Variants in R3HDM2 observed in about 807,000 individuals in gnomAD.
R3HDM2 encodes the protein R3H domain-containing protein 2.
Under a neutral mutation model 124.5 loss-of-function variants are expected in R3HDM2, and 38 were observed. The observed-to-expected ratio is 0.31, with a 90% confidence interval of 0.24 to 0.40. The LOEUF is 0.40. Among genes scored for constraint, R3HDM2 ranks in the 10% least tolerant of loss-of-function variants. The pLI, the probability that R3HDM2 is intolerant of heterozygous loss-of-function variation, is 1.00. For synonymous variants in R3HDM2, 391 were observed against 448.0 expected, an observed-to-expected ratio of 0.87 and a Z score of 1.61; for missense variants, 869 against 1,236.9, an observed-to-expected ratio of 0.70 and a Z score of 4.46.
At chr12:57,328,117 G>A (rs1271892536) in intron 2 of R3HDM2, among the ~76,000 whole-genome samples, 3 of 151,314 alleles carry the variant, frequency 2.0e-5, no homozygotes, top group Non-Finnish European at 4.4e-5. Flanking sequence ...TGTCACCCAG[G>A]CTGGAGTGCA....
chr12:57,409,421 T>G (rs2139239834), intron 1 of R3HDM2, among the ~76,000 whole-genome samples: 1 of 151,172 alleles, frequency 6.6e-6, no homozygotes, highest in Middle Eastern at 3.4e-3. Context: ...GAAAGAGAAT[T>G]ATATACTACT....
At chr12:57,314,325 C>T (rs1355085759) in intron 2 of R3HDM2, among the ~76,000 whole-genome samples, 1 of 151,868 alleles carries the variant, frequency 6.6e-6, no homozygotes, top group Non-Finnish European at 1.5e-5. Context: ...ACTAAAAATA[C>T]AAAATTAGCT....
intron 21 of R3HDM2, among the ~76,000 whole-genome samples, chr12:57,257,022 G>A (rs764715915): frequency 2.6e-5 from 4 of 151,980 alleles, no homozygotes; most frequent in Non-Finnish European, 4.4e-5. Flanking sequence ...GTTTCACCAC[G>A]TTGGCCAGGC....
Position 57,283,857 on chromosome 12 carries a change from T to C in R3HDM2, c.1138A>G (p.Lys380Glu). 2 of 1,614,212 alleles carry C rather than the reference T, an allele frequency of 1.2e-6. No individual in the cohort carries two copies. Among genetic ancestry groups the C allele is most frequent in the Non-Finnish European group, 1.7e-6 (2 of 1,180,044 alleles). ...LTRGDSIGSS[K>E]GGSAGRISRP... ...GAGATCCTTCCCGCACTGCCGCCTTTACTGCTGCCGATGCTGTCACCTCGG... is the reference window on the plus strand; with the variant it reads ...GAGATCCTTCCCGCACTGCCGCCTTCACTGCTGCCGATGCTGTCACCTCGG... The change falls in exon 13 of 24, where the codon AAA becomes GAA. Residue 380 changes from lysine to glutamate, a missense_variant. Transcript: ENST00000402412.
At chr12:57,298,528 T>A (rs2050378365) in intron 6 of R3HDM2, among the ~76,000 whole-genome samples, 1 of 152,178 alleles carries the variant, frequency 6.6e-6, no homozygotes. Flanking sequence ...TCAGTAAATA[T>A]GCCCAAATAT....
chr12:57,324,962 G>A (rs963822835), intron 2 of R3HDM2, among the ~76,000 whole-genome samples: 1 of 152,174 alleles, frequency 6.6e-6, no homozygotes, highest in Non-Finnish European at 1.5e-5. Context: ...TTTGGACACA[G>A]AAGTACACCA....
At chr12:57,306,365 A>G (rs2052565078) in intron 3 of R3HDM2, among the ~76,000 whole-genome samples, 1 of 152,070 alleles carries the variant, frequency 6.6e-6, no homozygotes. Context: ...AAAAAGGATT[A>G]CAAGTTTAAA....
At chr12:57,383,703 A>AAAAC in intron 2 of R3HDM2, among the ~76,000 whole-genome samples, 1 of 152,298 alleles carries the variant, frequency 6.6e-6, no homozygotes, top group African/African-American at 2.4e-5. Flanking sequence ...CTCCGTCTCA[A>AAAAC]AAACAAACAA....
At chr12:57,278,542 A>G (rs1327814974) in intron 14 of R3HDM2, among the ~76,000 whole-genome samples, 1 of 152,202 alleles carries the variant, frequency 6.6e-6, no homozygotes, top group Admixed American at 6.5e-5. Context: ...CAAGTCATAC[A>G]CATAAAAAAC....
At chr12:57,286,564 C>T (rs1379554864) in intron 12 of R3HDM2, among the ~76,000 whole-genome samples, 1 of 152,136 alleles carries the variant, frequency 6.6e-6, no homozygotes, top group African/African-American at 2.4e-5. Flanking sequence ...AATCAAAGCT[C>T]AGTTGGAAAA....
intron 2 of R3HDM2, among the ~76,000 whole-genome samples, chr12:57,331,490 A>T (rs1220398398): frequency 6.6e-6 from 1 of 152,150 alleles, no homozygotes; most frequent in Non-Finnish European, 1.5e-5. Context: ...GGTACACTCA[A>T]AGAGGGCAGG....
intron 1 of R3HDM2, among the ~76,000 whole-genome samples, chr12:57,406,194 G>A (rs186784721): frequency 6.5e-4 from 99 of 151,874 alleles, no homozygotes; most frequent in African/African-American, 2.3e-3. Flanking sequence ...GGTGGCAGGC[G>A]CCTGTAATCC....
chr12:57,288,666 C>A (rs772911073), intron 12 of R3HDM2, among the ~76,000 whole-genome samples: 1 of 151,876 alleles, frequency 6.6e-6, no homozygotes, highest in Non-Finnish European at 1.5e-5. Flanking sequence ...AAATCAGCAA[C>A]AATAAAAATA....
At chr12:57,279,307 C>G (rs1215863941) in intron 14 of R3HDM2, among the ~76,000 whole-genome samples, 1 of 151,050 alleles carries the variant, frequency 6.6e-6, no homozygotes, top group East Asian at 2.0e-4. Context: ...CTCAGCCTCC[C>G]TAGTAGCTGG....
intron 13 of R3HDM2, among the ~76,000 whole-genome samples, chr12:57,283,505 G>A (rs1456554309): frequency 3.9e-5 from 6 of 152,216 alleles, no homozygotes; most frequent in Non-Finnish European, 5.9e-5. Flanking sequence ...TTAGGAGGCT[G>A]AGGCAGGCAG....
intron 2 of R3HDM2, among the ~76,000 whole-genome samples, chr12:57,370,504 G>A (rs1293977490): frequency 1.3e-5 from 2 of 151,668 alleles, no homozygotes; most frequent in African/African-American, 4.8e-5. Flanking sequence ...GCCAGGCATG[G>A]TGGTGCATGC....
chr12:57,398,786 G>A (rs1367706153), intron 1 of R3HDM2, among the ~76,000 whole-genome samples: 1 of 152,092 alleles, frequency 6.6e-6, no homozygotes, highest in Non-Finnish European at 1.5e-5. Context: ...ACCGCACCCA[G>A]CCCTCTCTTC....
At chr12:57,405,768 A>G (rs1014063525) in intron 1 of R3HDM2, among the ~76,000 whole-genome samples, 2 of 152,214 alleles carry the variant, frequency 1.3e-5, no homozygotes, top group African/African-American at 2.4e-5. Context: ...AATGACCAAC[A>G]CACTAAGCAA....
At chr12:57,404,778 G>A (rs1246188174) in intron 1 of R3HDM2, among the ~76,000 whole-genome samples, 1 of 152,076 alleles carries the variant, frequency 6.6e-6, no homozygotes, top group East Asian at 1.9e-4. Context: ...CCCATACTTT[G>A]AGGCTGAGGC....
Sources: gnomAD v4.1 joint callset for allele counts (sites outside exome capture counted in the v4.1 genomes callset) on GRCh38, gnomAD v4.1.1 for gene constraint, MANE v1.5 for transcripts, NCBI Gene and HGNC (gene_info 2026-07-23, HGNC 2026-07-21) for gene names.